The following PIAS1 variants were observed in gnomAD, a reference collection of about 807,000 sequenced individuals.
PIAS1 encodes the protein protein inhibitor of activated STAT 1.
PIAS1 carries 6 observed loss-of-function variants against 71.3 expected under a neutral mutation model. That is an observed-to-expected ratio of 0.08 (90% CI 0.05 to 0.17). The LOEUF is 0.17. PIAS1 is among the 10% of genes least tolerant of loss of function. The probability of loss-of-function intolerance (pLI) is 1.00; values close to 1 mark genes in which losing one functional copy is unlikely to be tolerated. For synonymous variants in PIAS1, 303 were observed against 292.9 expected (o/e 1.03, Z -0.35); for missense variants, 555 against 793.6 (o/e 0.70, Z 3.61).
intron 12 of PIAS1, among the ~76,000 whole-genome samples, chr15:68,182,937 TATC>T (rs1204471703): frequency 6.6e-5 from 10 of 152,348 alleles, no homozygotes; most frequent in African/African-American, 1.9e-4. Flanking sequence ...CAAGTTTAGA[TATC>T]ATAATGAAGC....
chr15:68,155,787 T>G (rs1169303278), intron 7 of PIAS1, among the ~76,000 whole-genome samples: 1 of 152,166 alleles, frequency 6.6e-6, no homozygotes, highest in East Asian at 1.9e-4. Flanking sequence ...TGAAAAACAG[T>G]CTTTTACCAA....
chr15:68,171,288 T>G lies in PIAS1; in HGVS notation c.1009-2444T>G, dbSNP rs1290932864. On this transcript the variant is annotated intron_variant, in intron 8 of 13. Coordinates refer to ENST00000249636, the MANE Select transcript of PIAS1 (RefSeq NM_016166.3). This position sits in a 1 kb window ranked among gnomAD's most constrained non-coding sequence, Gnocchi z 4.4. ...TGTTCTCTCTTATGGTAACAGTGCCTTCTTCTGGAATACCTCCTGAAGGAC... is the reference window on the plus strand; with the variant it reads ...TGTTCTCTCTTATGGTAACAGTGCCGTCTTCTGGAATACCTCCTGAAGGAC... Among the ~76,000 whole-genome samples the G allele has an allele frequency of 1.3e-5, 2 of 152,200 alleles. No homozygotes were observed. Among genetic ancestry groups the G allele is most frequent in the African/African-American group, 2.4e-5 (1 of 41,448 alleles).
intron 2 of PIAS1, among the ~76,000 whole-genome samples, chr15:68,129,796 CA>C (rs2092676770): frequency 3.0e-4 from 1 of 3,288 alleles, no homozygotes; most frequent in African/African-American, 5.1e-4. Context: ...ATTGTATTTA[CA>C]CACACACACA....
chr15:68,115,660 T>G (rs2092559579), intron 2 of PIAS1, among the ~76,000 whole-genome samples: 2 of 152,072 alleles, frequency 1.3e-5, no homozygotes, highest in African/African-American at 2.4e-5. Context: ...CTCAGTAAAG[T>G]GTTTCCTGTA....
chr15:68,065,256 C>G (rs2092004801), intron 1 of PIAS1, among the ~76,000 whole-genome samples: 1 of 151,972 alleles, frequency 6.6e-6, no homozygotes, highest in Non-Finnish European at 1.5e-5. Context: ...GGGACGATCC[C>G]TTTCACCTTC....
At chr15:68,118,707 G>A (rs968880715) in intron 2 of PIAS1, among the ~76,000 whole-genome samples, 1 of 152,088 alleles carries the variant, frequency 6.6e-6, no homozygotes, top group African/African-American at 2.4e-5. Flanking sequence ...AGTTTTGATT[G>A]ATTTGCATTT....
chr15:68,079,545 C>T (rs1418580566), intron 1 of PIAS1, among the ~76,000 whole-genome samples: 3 of 152,186 alleles, frequency 2.0e-5, no homozygotes, highest in Non-Finnish European at 4.4e-5. Context: ...CAGCTTACCA[C>T]AGCCTCGAAC....
In PIAS1 at chr15:68,092,973, A is replaced by C. The variant is rs892400159; in HGVS notation, c.469+6223A>C. 2.6e-5 allele frequency among the ~76,000 whole-genome samples: 4 copies of C among 152,226 alleles called. No individual in the cohort carries two copies. In the South Asian group the frequency reaches 6.2e-4, roughly 24 times the overall value. On this transcript the variant is annotated intron_variant, in intron 2 of 13. Transcript: ENST00000249636. ...GTGAATTGATAAAAAGTGATACATA[A>C]GTTAAACATCTTACTTTAATGTATA...
chr15:68,123,979 A>AAT lies in PIAS1; in HGVS notation c.470-17963_470-17962dup, dbSNP rs894368427. Among the ~76,000 whole-genome samples the AAT allele has an allele frequency of 5.5e-4, 6 of 10,848 alleles. No homozygotes were observed. In the East Asian group the frequency reaches 0.019, roughly 34 times the overall value. The allele number at this position is 10,848 out of a possible 152,430, so 7.1% of individuals were successfully genotyped here. A position where few individuals can be genotyped will look rare whatever the true frequency, so the allele number is the denominator to read the frequency against. ...ATAGGTATATGTATACATATGTGTG[A>AAT]ATATACACACACACACACGTATACA... On this transcript the variant is annotated intron_variant, in intron 2 of 13. Coordinates refer to ENST00000249636, the MANE Select transcript of PIAS1 (RefSeq NM_016166.3).
chr15:68,065,371 C>T (rs756431329), intron 1 of PIAS1, among the ~76,000 whole-genome samples: 2 of 151,968 alleles, frequency 1.3e-5, no homozygotes, highest in African/African-American at 4.8e-5. Context: ...AGGCAGAGTG[C>T]TTAAGCTCAG....
In PIAS1 at chr15:68,173,676, A is replaced by G; in HGVS notation, c.1009-56A>G. 1 of 1,337,108 alleles carries G rather than the reference A, an allele frequency of 7.5e-7. No individual in the cohort carries two copies. The highest frequency in any genetic ancestry group is 9.9e-7 in the Non-Finnish European group (1 of 1,005,822). 82.8% of individuals were successfully genotyped at this position (1,337,108 alleles called of 1,614,324 possible). A position where few individuals can be genotyped will look rare whatever the true frequency, so the allele number is the denominator to read the frequency against. ...GTTGTGTTCTAGGAAATTTTTGTCAAAGCTTAAATGTTGAATAGCAATTAT... is the reference window on the plus strand; with the variant it reads ...GTTGTGTTCTAGGAAATTTTTGTCAGAGCTTAAATGTTGAATAGCAATTAT... On this transcript the variant is annotated intron_variant, in intron 8 of 13. Transcript: ENST00000249636. This position sits in a 1 kb window ranked among gnomAD's most constrained non-coding sequence, Gnocchi z 4.3.
intron 6 of PIAS1, among the ~76,000 whole-genome samples, chr15:68,150,299 G>A (rs567003937): frequency 2.6e-5 from 4 of 152,134 alleles, no homozygotes; most frequent in Admixed American, 6.5e-5. Context: ...GAATATGGCC[G>A]CTGATAAAAA....
At chr15:68,137,600 T>C (rs1369470139) in intron 2 of PIAS1, among the ~76,000 whole-genome samples, 3 of 152,068 alleles carry the variant, frequency 2.0e-5, no homozygotes, top group Non-Finnish European at 4.4e-5. Flanking sequence ...ACACGGACTT[T>C]GGAGGCAGGA....
At chr15:68,061,299 A>G (rs983563184) in intron 1 of PIAS1, 1 of 152,240 alleles carries the variant, frequency 6.6e-6, no homozygotes, top group African/African-American at 2.4e-5. Context: ...ATTAATTGCC[A>G]CTGCACTTTT....
intron 1 of PIAS1, among the ~76,000 whole-genome samples, chr15:68,078,228 A>G (rs1485494101): frequency 6.6e-6 from 1 of 152,194 alleles, no homozygotes; most frequent in East Asian, 1.9e-4. Context: ...CTAATTTTTA[A>G]AAGACCTACC....
At chr15:68,073,948 A>G (rs995763387) in intron 1 of PIAS1, among the ~76,000 whole-genome samples, 1 of 152,216 alleles carries the variant, frequency 6.6e-6, no homozygotes, top group Non-Finnish European at 1.5e-5. Context: ...TAAGGTGTTA[A>G]GATTGACAGG....
chr15:68,081,225 C>T (rs1014142860), intron 1 of PIAS1, among the ~76,000 whole-genome samples: 1 of 152,272 alleles, frequency 6.6e-6, no homozygotes. Context: ...TTGAACCTCC[C>T]ATTCTGCACT....
chr15:68,065,250 C>T (rs151082978), intron 1 of PIAS1, among the ~76,000 whole-genome samples: 20 of 152,004 alleles, frequency 1.3e-4, no homozygotes, highest in East Asian at 3.9e-4. Flanking sequence ...TAAAATGGGA[C>T]GATCCCTTTC....
chr15:68,054,630 G>C lies in PIAS1; in HGVS notation c.24+280G>C, dbSNP rs936476051. Reference sequence around the variant, plus strand: ...GGGGGAAGAGATAGGGAGTCCGGAGGTAGGGGCTGCAGCTGTCTCATGGGC... The same window carrying C: ...GGGGGAAGAGATAGGGAGTCCGGAGCTAGGGGCTGCAGCTGTCTCATGGGC... On this transcript the variant is annotated intron_variant, in intron 1 of 13. Coordinates refer to ENST00000249636, the MANE Select transcript of PIAS1 (RefSeq NM_016166.3). This position sits in a 1 kb window ranked among gnomAD's most constrained non-coding sequence, Gnocchi z 4.6. 260 of 369,020 alleles carry C rather than the reference G, an allele frequency of 7.0e-4. 4 individuals are homozygous for C. Among genetic ancestry groups the C allele is most frequent in the African/African-American group, 5.1e-3 (239 of 46,998 alleles). 22.9% of individuals were successfully genotyped at this position (369,020 alleles called of 1,614,324 possible).
Sources: gnomAD v4.1 joint callset for allele counts (sites outside exome capture counted in the v4.1 genomes callset) on GRCh38, gnomAD v4.1.1 for gene constraint, Gnocchi (gnomAD v3.1) non-coding constraint, MANE v1.5 for transcripts, NCBI Gene and HGNC (gene_info 2026-07-23, HGNC 2026-07-21) for gene names.